The following HERC6 variants were observed in gnomAD, a reference collection of about 807,000 sequenced individuals.
HERC6 encodes probable E3 ubiquitin-protein ligase HERC6.
Under a neutral mutation model 114.5 loss-of-function variants are expected in HERC6, and 101 were observed. That is an observed-to-expected ratio of 0.88 (90% CI 0.75 to 1.04). The LOEUF is 1.04. Ranked by LOEUF, HERC6 falls within the 50% of genes least tolerant of loss-of-function variation. The pLI, the probability that HERC6 is intolerant of heterozygous loss-of-function variation, is 0.00. For missense variants in HERC6, 1,133 were observed against 1,230.9 expected, an observed-to-expected ratio of 0.92 and a Z score of 1.19; for synonymous variants, 408 against 436.2, an observed-to-expected ratio of 0.94 and a Z score of 0.81.
chr4:88,428,320 A>G (rs1737835785), intron 15 of HERC6, among the ~76,000 whole-genome samples: 1 of 152,228 alleles, frequency 6.6e-6, no homozygotes, highest in Non-Finnish European at 1.5e-5. Context: ...ATAGCTTTTA[A>G]TAACTTAGCT....
At chr4:88,405,333 T>C (rs904320637) in intron 9 of HERC6, among the ~76,000 whole-genome samples, 2 of 152,226 alleles carry the variant, frequency 1.3e-5, no homozygotes, top group African/African-American at 4.8e-5. Flanking sequence ...TAGGTTTTAT[T>C]TAAACCTACG....
At chr4:88,433,471 T>G (rs1738441826) in intron 17 of HERC6, among the ~76,000 whole-genome samples, 1 of 152,142 alleles carries the variant, frequency 6.6e-6, no homozygotes, top group Admixed American at 6.5e-5. Context: ...CCCTCATGAA[T>G]AGATTAATCC....
Position 88,396,017 on chromosome 4 carries a change from C to G in HERC6, c.762C>G (p.Asp254Glu), listed in dbSNP as rs377246300. Residue 254 changes from aspartate to glutamate, a missense_variant and splice_region_variant, in exon 6 of 23, where the codon GAC becomes GAG. Physicochemically the swap from Asp to Glu is conservative, Grantham distance 45. Transcript: ENST00000264346. The stretch of plus-strand genomic sequence containing the variant: ...TTGATTCTTCCTTTGCTAAGCAGGA[C>G]GGGAAAGTGTTCACATTTGGAGACA... ...GDAHTAVLTQ[D>E]GKVFTFGDNR... 16 of 1,588,266 alleles carry G rather than the reference C, an allele frequency of 1.0e-5. No homozygotes were observed. In the African/African-American group the frequency reaches 1.6e-4, roughly 16 times the overall value.
intron 1 of HERC6, 57 bp from the exon 2 acceptor site, chr4:88,383,164 T>G: frequency 1.3e-6 from 2 of 1,569,332 alleles, no homozygotes; most frequent in Non-Finnish European, 1.7e-6. Flanking sequence ...CTTAAACTTG[T>G]GTTAAATTAA....
intron 10 of HERC6, among the ~76,000 whole-genome samples, chr4:88,407,967 G>A (rs1735891851): frequency 6.6e-6 from 1 of 152,158 alleles, no homozygotes; most frequent in African/African-American, 2.4e-5. Context: ...AACAATCCAG[G>A]ATGGGTGCAA....
chr4:88,424,643 A>G lies in HERC6; in HGVS notation c.1876A>G (p.Ile626Val). 6.2e-7 allele frequency: 1 copy of G among 1,612,418 alleles called. No individual in the cohort carries two copies. Among genetic ancestry groups the G allele is most frequent in the Admixed American group, 1.7e-5 (1 of 59,922 alleles). The change falls in exon 15 of 23, where the codon ATC (isoleucine) becomes GTC (valine). Residue 626 changes from isoleucine to valine, a missense_variant. Transcript: ENST00000264346. ...TGTTATTTTCAGTGATTTTCCATTT[A>G]TCTTTAATTCGCTATCCAAAATTAA... is the stretch of plus-strand genomic sequence containing the variant. ...SPVIFSDFPFIFNSLSKIKLL... is the reference protein window; with the variant it reads ...SPVIFSDFPFVFNSLSKIKLL...
chr4:88,383,417 T>C, intron 2 of HERC6, 37 bp downstream of exon 2: 2 of 1,423,578 alleles, frequency 1.4e-6, no homozygotes, highest in Non-Finnish European at 1.9e-6. Context: ...TTATTCAATA[T>C]ATATAGTACC....
intron 10 of HERC6, among the ~76,000 whole-genome samples, chr4:88,407,652 G>GCTCC (rs1202393172): frequency 6.6e-6 from 1 of 151,744 alleles, no homozygotes; most frequent in Admixed American, 6.6e-5. Flanking sequence ...TTCAAGCAAT[G>GCTCC]CTCCCACTTT....
chr4:88,439,840 T>G, intron 20 of HERC6, 34 bp from the exon 21 acceptor site: 1 of 1,364,994 alleles, frequency 7.3e-7, no homozygotes, highest in Non-Finnish European at 9.6e-7. Flanking sequence ...TTTCCTTCCT[T>G]TCTTTTTTTT....
intron 8 of HERC6, among the ~76,000 whole-genome samples, chr4:88,402,087 AAAC>A (rs1222580124): frequency 4.6e-5 from 7 of 152,220 alleles, no homozygotes; most frequent in African/African-American, 1.4e-4. Context: ...AATCATGGAC[AAAC>A]AACAGGGCTA....
chr4:88,442,179 C>A, intron 22 of HERC6, 55 bp from the exon 23 acceptor site: 1 of 1,266,852 alleles, frequency 7.9e-7, no homozygotes, highest in South Asian at 1.3e-5. Flanking sequence ...TCTTCCTTTT[C>A]ATTATGTTTT....
chr4:88,404,764 A>G lies in HERC6; in HGVS notation c.1093-112A>G. 12 of 1,348,704 alleles carry G rather than the reference A, an allele frequency of 8.9e-6. No homozygotes were observed. In the South Asian group the frequency reaches 1.8e-4, roughly 20 times the overall value. The allele number at this position is 1,348,704 out of a possible 1,614,324, so 83.5% of individuals were successfully genotyped here. A position where few individuals can be genotyped will look rare whatever the true frequency, so the allele number is the denominator to read the frequency against. On this transcript the variant is annotated intron_variant, in intron 8 of 22. Transcript: ENST00000264346. ...GCCAAAGCTCCTCCCACCAAATGCTACCACCCAAGAGGGCAGGGCCTATTT... is the reference window on the plus strand; with the variant it reads ...GCCAAAGCTCCTCCCACCAAATGCTGCCACCCAAGAGGGCAGGGCCTATTT...
intron 13 of HERC6, among the ~76,000 whole-genome samples, chr4:88,421,552 A>G (rs535317439): frequency 1.3e-5 from 2 of 150,876 alleles, no homozygotes; most frequent in South Asian, 4.2e-4. Context: ...GGTTCAAGCG[A>G]TTCTCCTGCC....
chr4:88,379,895 T>C (rs188389511), intron 1 of HERC6, among the ~76,000 whole-genome samples: 546 of 12,578 alleles, frequency 0.043, 29 homozygotes, highest in African/African-American at 0.056. Flanking sequence ...ATATATATAA[T>C]ATATAAATAT....
intron 12 of HERC6, among the ~76,000 whole-genome samples, chr4:88,416,799 G>A (rs1296592634): frequency 6.6e-6 from 1 of 151,940 alleles, no homozygotes; most frequent in African/African-American, 2.4e-5. Context: ...GAATCTCTAT[G>A]TGTTTGCTTT....
intron 1 of HERC6, among the ~76,000 whole-genome samples, chr4:88,381,639 C>A (rs1734328780): frequency 6.7e-6 from 1 of 148,298 alleles, no homozygotes; most frequent in Non-Finnish European, 1.5e-5. Flanking sequence ...CTCACTGCAA[C>A]CTCCGCCTCC....
Position 88,413,217 on chromosome 4 carries a change from A to G in HERC6, c.1509A>G (p.Pro503=). 6.2e-7 allele frequency: 1 copy of G among 1,613,318 alleles called. No individual in the cohort carries two copies. Residue 503 remains proline (P), a synonymous_variant, in exon 12 of 23, where the codon CCA becomes CCG. Coordinates refer to ENST00000264346, the MANE Select transcript of HERC6 (RefSeq NM_017912.4). ...AGAACTGGAAGAACCTGGTGGTTCC[A>G]TTTGCAAAGGCTGTGTGTGAAATGA... ...DSKNWKNLVV[P]FAKAVCEMSK...
In HERC6 at chr4:88,442,940, C is replaced by G. The variant is rs749880676; in HGVS notation, c.*480C>G. On this transcript the variant is annotated 3_prime_UTR_variant, in exon 23 of 23. Transcript: ENST00000264346. ...AGTCTTTCATTTACATAGGGTGTAA[C>G]CATCAAGAAACCTCTACAGGGTACT... 5.8e-6 allele frequency: 1 copy of G among 171,680 alleles called. No individual in the cohort carries two copies. Among genetic ancestry groups the G allele is most frequent in the African/African-American group, 2.4e-5 (1 of 42,102 alleles). The allele number at this position is 171,680 out of a possible 1,614,324, so 10.6% of individuals were successfully genotyped here.
intron 20 of HERC6, 104 bp from the exon 21 acceptor site, chr4:88,439,770 T>A: frequency 1.8e-6 from 2 of 1,124,156 alleles, no homozygotes; most frequent in Non-Finnish European, 2.4e-6. Context: ...GTAATTTACT[T>A]TTCCTTCTCA....
Sources: allele counts gnomAD v4.1 joint callset (sites outside exome capture counted in the v4.1 genomes callset), GRCh38; gene constraint gnomAD v4.1.1; transcripts MANE v1.5; gene names NCBI Gene and HGNC (gene_info 2026-07-23, HGNC 2026-07-21).